SMG6: variants seen among roughly 807,000 people sequenced by gnomAD.
SMG6 encodes the protein SMG6 nonsense mediated mRNA decay factor.
Under a neutral mutation model 142.2 loss-of-function variants are expected in SMG6, and 66 were observed. The observed-to-expected ratio is 0.46, with a 90% CI of 0.38 to 0.57. The LOEUF (loss-of-function observed/expected upper bound fraction) is 0.57, where lower values mean the gene tolerates loss of function less well. Ranked by LOEUF, SMG6 falls within the 20% of genes least tolerant of loss-of-function variation. The probability of loss-of-function intolerance (pLI) is 0.00; values close to 1 mark genes in which losing one functional copy is unlikely to be tolerated. For missense variants in SMG6, 1,793 were observed against 1,832.0 expected, an observed-to-expected ratio of 0.98 and a Z score of 0.39; for synonymous variants, 779 against 702.4, an observed-to-expected ratio of 1.11 and a Z score of -1.72.
intron 18 of SMG6, 40 bp downstream of exon 18, chr17:2,065,033 A>G (rs2067898374): frequency 6.7e-7 from 1 of 1,498,594 alleles, no homozygotes; most frequent in Non-Finnish European, 9.3e-7. Context: ...GAGGTAGGGC[A>G]GTGGGGATGG....
intron 10 of SMG6, among the ~76,000 whole-genome samples, chr17:2,205,993 G>C (rs771516124): frequency 2.6e-5 from 4 of 152,142 alleles, no homozygotes; most frequent in Admixed American, 1.3e-4. Context: ...ATTTTTAGTA[G>C]AGGTGGCATT....
At chr17:2,142,525 T>TTCTA (rs74918512) in intron 13 of SMG6, among the ~76,000 whole-genome samples, 2,024 of 150,918 alleles carry the variant, frequency 0.013, 26 homozygotes, top group South Asian at 0.039. Flanking sequence ...AATGTAATCT[T>TTCTA]TCTATCTATC....
intron 4 of SMG6, among the ~76,000 whole-genome samples, chr17:2,295,525 C>T (rs976646682): frequency 1.2e-4 from 18 of 152,208 alleles, no homozygotes; most frequent in African/African-American, 4.1e-4. Context: ...GTTTCCCCAA[C>T]TAAATTAACT....
At chr17:2,220,562 C>T (rs763684627) in intron 10 of SMG6, among the ~76,000 whole-genome samples, 27 of 151,994 alleles carry the variant, frequency 1.8e-4, no homozygotes, top group African/African-American at 5.3e-4. Flanking sequence ...CCCAAGAGTT[C>T]GAGGCTGCAG....
intron 13 of SMG6, among the ~76,000 whole-genome samples, chr17:2,171,732 CT>C (rs370221402): frequency 0.19 from 25,771 of 138,080 alleles, 2,270 homozygotes; most frequent in Middle Eastern, 0.23. Flanking sequence ...GGAATTTTTA[CT>C]TTTTTTTTTT....
intron 12 of SMG6, among the ~76,000 whole-genome samples, chr17:2,174,272 T>G (rs913754918): frequency 1.3e-5 from 2 of 152,144 alleles, no homozygotes; most frequent in Admixed American, 1.3e-4. Context: ...ATCTCCCCAG[T>G]GGAGTTACTG....
intron 13 of SMG6, among the ~76,000 whole-genome samples, chr17:2,132,801 T>G (rs1341311617): frequency 6.6e-6 from 1 of 152,152 alleles, no homozygotes; most frequent in Non-Finnish European, 1.5e-5. Context: ...TACTGCCTTT[T>G]GTTGTTGTTG....
At chr17:2,189,237 G>C (rs1342063787) in intron 10 of SMG6, among the ~76,000 whole-genome samples, 1 of 152,126 alleles carries the variant, frequency 6.6e-6, no homozygotes, top group Non-Finnish European at 1.5e-5. Context: ...TTTTCAGCCT[G>C]GCTAACTAAC....
chr17:2,166,377 A>G (rs2071338828), intron 13 of SMG6, among the ~76,000 whole-genome samples: 1 of 136,116 alleles, frequency 7.3e-6, no homozygotes, highest in Non-Finnish European at 1.6e-5. Context: ...AGGAGAATGT[A>G]GCACGCAAAT....
At chr17:2,147,009 C>G (rs994488525) in intron 13 of SMG6, among the ~76,000 whole-genome samples, 6 of 152,120 alleles carry the variant, frequency 3.9e-5, no homozygotes, top group African/African-American at 1.4e-4. Flanking sequence ...AGAGAGGTTA[C>G]AGGGATATTT....
intron 6 of SMG6, among the ~76,000 whole-genome samples, chr17:2,290,678 TG>T (rs2075010782): frequency 6.6e-6 from 1 of 152,144 alleles, no homozygotes; most frequent in African/African-American, 2.4e-5. Flanking sequence ...AGCCACAGTC[TG>T]GAAGAAAATA....
rs138833833 is a variant in SMG6 at position 2,204,185 on chromosome 17, C to T, written c.2870-15670G>A. Among the ~76,000 whole-genome samples the T allele has an allele frequency of 7.6e-4, 115 of 152,120 alleles. 2 individuals carry two copies. In the East Asian group the frequency reaches 0.021, roughly 27 times the overall value. ...AACAACGCCAAAAATAAAACAATTC[C>T]GAGATAGGTGAGACAGAAAGGTACC... On this transcript the variant is annotated intron_variant, in intron 10 of 18. Transcript: ENST00000263073.
intron 9 of SMG6, among the ~76,000 whole-genome samples, chr17:2,240,576 C>T: frequency 6.6e-6 from 1 of 152,112 alleles, no homozygotes; most frequent in Non-Finnish European, 1.5e-5. Context: ...TTAGTTGAAG[C>T]CCGCAGCAGC....
chr17:2,158,039 G>A (rs983550519), intron 13 of SMG6, among the ~76,000 whole-genome samples: 3 of 152,198 alleles, frequency 2.0e-5, no homozygotes, highest in Non-Finnish European at 2.9e-5. Flanking sequence ...AAGAATTTAA[G>A]GGAGTAATAA....
intron 8 of SMG6, among the ~76,000 whole-genome samples, chr17:2,279,016 C>T (rs2074723391): frequency 6.6e-6 from 1 of 152,140 alleles, no homozygotes; most frequent in Admixed American, 6.5e-5. Flanking sequence ...TATGACTCTA[C>T]TCTCACAGGG....
chr17:2,095,430 G>C (rs1338805181), intron 13 of SMG6, among the ~76,000 whole-genome samples: 1 of 152,162 alleles, frequency 6.6e-6, no homozygotes, highest in Non-Finnish European at 1.5e-5. Flanking sequence ...TGGACTCTCG[G>C]AGACATCTGT....
chr17:2,206,601 C>T (rs996636673), intron 10 of SMG6, among the ~76,000 whole-genome samples: 1 of 151,798 alleles, frequency 6.6e-6, no homozygotes, highest in Non-Finnish European at 1.5e-5. Context: ...TAAAATTTGG[C>T]GGGGAGCAGT....
chr17:2,249,437 G>A (rs1255825558), intron 8 of SMG6, among the ~76,000 whole-genome samples: 1 of 152,054 alleles, frequency 6.6e-6, no homozygotes, highest in African/African-American at 2.4e-5. Context: ...TAAGATTATA[G>A]GCGCATACCA....
intron 10 of SMG6, chr17:2,215,916 G>A: frequency 6.6e-6 from 1 of 152,426 alleles, no homozygotes. Context: ...GAGGCTGGCA[G>A]CAGGCCACCA....
Sources: gnomAD v4.1 joint callset for allele counts (sites outside exome capture counted in the v4.1 genomes callset) on GRCh38, gnomAD v4.1.1 for gene constraint, MANE v1.5 for transcripts, NCBI Gene and HGNC (gene_info 2026-07-23, HGNC 2026-07-21) for gene names.